MOB1B: variants seen among roughly 807,000 people sequenced by gnomAD.
MOB1B encodes MOB1 Mps One Binder homolog B.
MOB1B carries 19 observed loss-of-function variants against 24.4 expected under a neutral mutation model. The observed-to-expected ratio is 0.78, with a 90% CI of 0.54 to 1.14. The LOEUF (loss-of-function observed/expected upper bound fraction) is 1.14. Among genes scored for constraint, MOB1B ranks in the 50% most tolerant of loss-of-function variants. The pLI, the probability that MOB1B is intolerant of heterozygous loss-of-function variation, is 0.00. For synonymous variants in MOB1B, 76 were observed against 82.1 expected, an observed-to-expected ratio of 0.93 and a Z score of 0.40; for missense variants, 243 against 259.6, an observed-to-expected ratio of 0.94 and a Z score of 0.44.
intron 1 of MOB1B, among the ~76,000 whole-genome samples, chr4:70,902,870 T>C (rs28532573): frequency 0.043 from 6,481 of 152,268 alleles, 453 homozygotes; most frequent in African/African-American, 0.15. Context: ...GGCTTGTTTG[T>C]GCGCTTCTCG....
At chr4:70,975,593 G>C in intron 4 of MOB1B, 2 of 986,362 alleles carry the variant, frequency 2.0e-6, no homozygotes, top group Middle Eastern at 4.9e-4. Flanking sequence ...TATTTTTGAT[G>C]ATATTCTAGA....
chr4:70,977,444 T>C (rs1488762745), intron 4 of MOB1B, among the ~76,000 whole-genome samples: 1 of 152,204 alleles, frequency 6.6e-6, no homozygotes, highest in African/African-American at 2.4e-5. Context: ...TTGGCTGTTT[T>C]ACCAATCTGC....
At chr4:70,979,371 T>C (rs1046506833) in intron 5 of MOB1B, 80 bp downstream of exon 5, 1 of 1,116,786 alleles carries the variant, frequency 9.0e-7, no homozygotes, top group Non-Finnish European at 1.3e-6. Context: ...GTATTCACAC[T>C]GTCAGGATGG....
intron 4 of MOB1B, 151 bp downstream of exon 4, chr4:70,975,437 CAA>C (rs1738944032): frequency 7.4e-7 from 1 of 1,344,876 alleles, no homozygotes; most frequent in East Asian, 2.8e-5. Context: ...AGAAGAGGCA[CAA>C]AAGTTTGTTA....
intron 1 of MOB1B, among the ~76,000 whole-genome samples, chr4:70,948,275 G>A: frequency 6.6e-6 from 1 of 152,098 alleles, no homozygotes; most frequent in East Asian, 1.9e-4. Context: ...CTTTTATAAT[G>A]ACAATTATAT....
intron 1 of MOB1B, among the ~76,000 whole-genome samples, chr4:70,908,068 C>T (rs1279467566): frequency 5.3e-5 from 8 of 151,216 alleles, no homozygotes; most frequent in Non-Finnish European, 1.0e-4. Context: ...CTTTTTCGCC[C>T]AGGCTGGAGT....
intron 1 of MOB1B, among the ~76,000 whole-genome samples, chr4:70,937,863 A>G (rs1442046131): frequency 6.6e-6 from 1 of 152,060 alleles, no homozygotes; most frequent in East Asian, 1.9e-4. Flanking sequence ...TTAGGAGATT[A>G]CGTCAGTTTT....
intron 1 of MOB1B, among the ~76,000 whole-genome samples, chr4:70,944,762 G>C (rs1199017144): frequency 6.6e-6 from 1 of 152,120 alleles, no homozygotes; most frequent in Non-Finnish European, 1.5e-5. Context: ...AGAGGAAGTA[G>C]AGAGGAGAGA....
chr4:70,954,104 C>G (rs1327034086), intron 1 of MOB1B, among the ~76,000 whole-genome samples: 2 of 152,130 alleles, frequency 1.3e-5, no homozygotes, highest in Admixed American at 1.3e-4. Context: ...TTCTTTTAAA[C>G]TTGATGTGTG....
At chr4:70,904,629 C>T (rs942790910) in intron 1 of MOB1B, among the ~76,000 whole-genome samples, 3 of 151,782 alleles carry the variant, frequency 2.0e-5, no homozygotes, top group South Asian at 2.1e-4. Flanking sequence ...CAAGGTGGCA[C>T]GCACCTGTAG....
intron 1 of MOB1B, among the ~76,000 whole-genome samples, chr4:70,927,477 T>A (rs532334843): frequency 6.6e-6 from 1 of 151,986 alleles, no homozygotes; most frequent in Admixed American, 6.6e-5. Context: ...GAGGCGGAGG[T>A]TGCAGTGAGC....
intron 4 of MOB1B, chr4:70,976,281 C>CA: frequency 1.0e-6 from 1 of 984,096 alleles, no homozygotes; most frequent in Middle Eastern, 5.2e-4. Context: ...ACATCTGCCA[C>CA]AGTTGTATCT....
rs147010784 is a variant in MOB1B at position 70,985,442 on chromosome 4, G to A, written c.*3385G>A. Reference sequence around the variant, plus strand: ...ACCATGAAAAGCAGTTTGTTATTATGCAGGAAAATCAGTTTCATCATTTTA... The same window carrying A: ...ACCATGAAAAGCAGTTTGTTATTATACAGGAAAATCAGTTTCATCATTTTA... On this transcript the variant is annotated 3_prime_UTR_variant, in exon 6 of 6. Transcript: ENST00000309395. 2.2e-4 allele frequency: 34 copies of A among 152,266 alleles called. No homozygotes were observed. The highest frequency in any genetic ancestry group is 7.9e-4 in the African/African-American group (33 of 41,548). The allele number at this position is 152,266 out of a possible 1,614,324, so 9.4% of individuals were successfully genotyped here.
chr4:70,914,772 A>G (rs1736131819), intron 1 of MOB1B, among the ~76,000 whole-genome samples: 1 of 152,108 alleles, frequency 6.6e-6, no homozygotes, highest in Non-Finnish European at 1.5e-5. Context: ...TCCCTGTACT[A>G]CAGCTGTTCT....
intron 1 of MOB1B, among the ~76,000 whole-genome samples, chr4:70,908,330 C>G (rs1245393467): frequency 7.6e-6 from 1 of 132,236 alleles, no homozygotes; most frequent in Non-Finnish European, 1.6e-5. Flanking sequence ...GCCCGGCCCT[C>G]TTTTTTTTTT....
chr4:70,982,106 T>G lies in MOB1B; in HGVS notation c.*49T>G. 7.4e-7 allele frequency: 1 copy of G among 1,346,684 alleles called. No homozygotes were observed. The highest frequency in any genetic ancestry group is 1.1e-6 in the Non-Finnish European group (1 of 947,896). The allele number at this position is 1,346,684 out of a possible 1,614,324, so 83.4% of individuals were successfully genotyped here. ...GTTCCTCAAATGAAGCAGTGTGGAG[T>G]GTATTGGGGATTTTGTTATATTTTG... On this transcript the variant is annotated 3_prime_UTR_variant, in exon 6 of 6. Transcript: ENST00000309395.
chr4:70,978,178 C>G (rs1217232586), intron 4 of MOB1B, among the ~76,000 whole-genome samples: 1 of 152,194 alleles, frequency 6.6e-6, no homozygotes, highest in East Asian at 1.9e-4. Context: ...TGAGGTTATA[C>G]AATATTTTTC....
chr4:70,934,459 T>C (rs1737005192), intron 1 of MOB1B, among the ~76,000 whole-genome samples: 1 of 151,716 alleles, frequency 6.6e-6, no homozygotes, highest in Admixed American at 6.6e-5. Context: ...AATATAATTT[T>C]TTTTTTCTTT....
At chr4:70,945,748 A>T (rs1027965760) in intron 1 of MOB1B, among the ~76,000 whole-genome samples, 4 of 152,210 alleles carry the variant, frequency 2.6e-5, no homozygotes, top group South Asian at 4.1e-4. Context: ...ATAAACAATG[A>T]TAGTATCCTG....
Sources: gnomAD v4.1 joint callset for allele counts (sites outside exome capture counted in the v4.1 genomes callset) on GRCh38, gnomAD v4.1.1 for gene constraint, MANE v1.5 for transcripts, NCBI Gene and HGNC (gene_info 2026-07-23, HGNC 2026-07-21) for gene names.